SLIT2: variants seen among roughly 807,000 people sequenced by gnomAD.
The protein encoded by SLIT2 is slit guidance ligand 2, also known as slit homolog 2 protein.
In SLIT2, 41 loss-of-function variants were observed where a neutral mutation model predicts 185.7. The observed-to-expected ratio is 0.22, with a 90% CI of 0.17 to 0.29. SLIT2 has a LOEUF of 0.29. SLIT2 is among the 10% of genes least tolerant of loss of function. The probability of loss-of-function intolerance (pLI) is 1.00; values close to 1 mark genes in which losing one functional copy is unlikely to be tolerated. For missense variants in SLIT2, 1,571 were observed against 1,909.0 expected, an observed-to-expected ratio of 0.82 and a Z score of 3.30; for synonymous variants, 693 against 680.2, an observed-to-expected ratio of 1.02 and a Z score of -0.29.
At chr4:20,563,318 C>G (rs1345970216) in intron 26 of SLIT2, among the ~76,000 whole-genome samples, 1 of 151,742 alleles carries the variant, frequency 6.6e-6, no homozygotes. Context: ...CTTTCCCCTC[C>G]GTGGCACACA....
intron 4 of SLIT2, among the ~76,000 whole-genome samples, chr4:20,321,059 G>A (rs61792587): frequency 0.084 from 12,766 of 152,176 alleles, 654 homozygotes; most frequent in Middle Eastern, 0.17. Flanking sequence ...AAAGGGAGGC[G>A]GAGGTTGTAG....
At chr4:20,539,209 C>T (rs1722582301) in intron 18 of SLIT2, among the ~76,000 whole-genome samples, 1 of 152,178 alleles carries the variant, frequency 6.6e-6, no homozygotes, top group African/African-American at 2.4e-5. Context: ...TAAATCCATG[C>T]CTAGACTCAC....
chr4:20,444,774 A>G (rs943361790), intron 4 of SLIT2, among the ~76,000 whole-genome samples: 9 of 152,140 alleles, frequency 5.9e-5, no homozygotes, highest in African/African-American at 1.7e-4. Context: ...CAGTTTCACA[A>G]TTCTCCACCT....
At position 20,444,908 on chromosome 4, in the gene SLIT2, T is replaced by G. The variant is rs75403611; in HGVS notation, c.396-22844T>G. On this transcript the variant is annotated intron_variant, in intron 4 of 36. Coordinates refer to ENST00000504154, the MANE Select transcript of SLIT2 (RefSeq NM_004787.4). ...GCCCAATGCCTTTTTCTCTGTTACA[T>G]ACTTTGCGACTTAATTGCATTCTGT... Among the ~76,000 whole-genome samples the G allele has an allele frequency of 1.7e-4, 26 of 152,346 alleles. No homozygotes were observed. In the East Asian group the frequency reaches 5.0e-3, roughly 29 times the overall value.
chr4:20,269,431 C>T (rs991108977), intron 4 of SLIT2, among the ~76,000 whole-genome samples: 1 of 151,780 alleles, frequency 6.6e-6, no homozygotes, highest in Non-Finnish European at 1.5e-5. Context: ...ATATCAAATA[C>T]GTCATAGACT....
At chr4:20,338,367 G>C (rs1180615908) in intron 4 of SLIT2, among the ~76,000 whole-genome samples, 1 of 152,144 alleles carries the variant, frequency 6.6e-6, no homozygotes, top group Non-Finnish European at 1.5e-5. Context: ...CATAATATTA[G>C]ATTGAATTAA....
At chr4:20,294,799 G>A (rs1410453415) in intron 4 of SLIT2, among the ~76,000 whole-genome samples, 2 of 152,148 alleles carry the variant, frequency 1.3e-5, no homozygotes, top group Non-Finnish European at 2.9e-5. Context: ...TCATAAAACA[G>A]GCCATCTTTT....
intron 4 of SLIT2, among the ~76,000 whole-genome samples, chr4:20,396,147 A>G (rs1725871671): frequency 1.3e-5 from 2 of 151,886 alleles, no homozygotes; most frequent in Admixed American, 1.3e-4. Flanking sequence ...CTACCTTTAT[A>G]TCTCTGATTT....
chr4:20,319,791 G>T (rs1718893928), intron 4 of SLIT2, among the ~76,000 whole-genome samples: 1 of 143,034 alleles, frequency 7.0e-6, no homozygotes, highest in Non-Finnish European at 1.5e-5. Flanking sequence ...CTGGCTTTGG[G>T]CCAGCACTAA....
At chr4:20,378,548 A>G (rs780211802) in intron 4 of SLIT2, among the ~76,000 whole-genome samples, 15 of 152,200 alleles carry the variant, frequency 9.9e-5, no homozygotes, top group Admixed American at 2.0e-4. Context: ...TGTATCATCT[A>G]TATAGTTATC....
intron 5 of SLIT2, among the ~76,000 whole-genome samples, chr4:20,477,558 AAC>A (rs1401674372): frequency 6.6e-6 from 1 of 152,196 alleles, no homozygotes; most frequent in Admixed American, 6.5e-5. Context: ...AGTTCTTCAA[AAC>A]ACAAATTTAC....
intron 3 of SLIT2, among the ~76,000 whole-genome samples, chr4:20,264,852 A>G (rs1370799484): frequency 6.6e-6 from 1 of 151,938 alleles, no homozygotes; most frequent in Non-Finnish European, 1.5e-5. Context: ...ATTGCCATCT[A>G]GAGAATTATC....
At chr4:20,518,732 G>T (rs1159856036) in intron 11 of SLIT2, among the ~76,000 whole-genome samples, 1 of 137,012 alleles carries the variant, frequency 7.3e-6, no homozygotes, top group East Asian at 2.2e-4. Flanking sequence ...AGCCTCCCGC[G>T]CAGCTGGGAC....
chr4:20,520,616 AC>A (rs1182705286), intron 12 of SLIT2, among the ~76,000 whole-genome samples: 1 of 152,204 alleles, frequency 6.6e-6, no homozygotes, highest in Non-Finnish European at 1.5e-5. Context: ...TTATAAACTT[AC>A]GTTCTTAAGT....
intron 29 of SLIT2, among the ~76,000 whole-genome samples, chr4:20,588,159 A>G (rs2148946019): frequency 6.6e-6 from 1 of 152,356 alleles, no homozygotes; most frequent in East Asian, 1.9e-4. Context: ...TTCATCATGC[A>G]TATGTTGCTA....
At chr4:20,554,011 A>C (rs915894928) in intron 26 of SLIT2, 43 bp downstream of exon 26, 10 of 1,449,520 alleles carry the variant, frequency 6.9e-6, no homozygotes, top group Non-Finnish European at 9.3e-6. Flanking sequence ...GAATTACTAT[A>C]TTAAGTAAAA....
chr4:20,540,064 GATCA>G (rs5856567), intron 19 of SLIT2, among the ~76,000 whole-genome samples: 133,254 of 151,764 alleles, frequency 0.88, 58,794 homozygotes, highest in African/African-American at 0.96. Context: ...CGGATTACTT[GATCA>G]AGGTCAGGCG....
At chr4:20,446,709 TTAAC>T (rs985548148) in intron 4 of SLIT2, among the ~76,000 whole-genome samples, 1 of 152,198 alleles carries the variant, frequency 6.6e-6, no homozygotes, top group African/African-American at 2.4e-5. Flanking sequence ...GTTCAAATAA[TTAAC>T]TAAGTTTTAG....
chr4:20,329,621 A>G (rs1719897750), intron 4 of SLIT2, among the ~76,000 whole-genome samples: 1 of 152,012 alleles, frequency 6.6e-6, no homozygotes. Flanking sequence ...TATACCAGTT[A>G]AGCATATATT....
Sources: gnomAD v4.1 joint callset for allele counts (sites outside exome capture counted in the v4.1 genomes callset) on GRCh38, gnomAD v4.1.1 for gene constraint, MANE v1.5 for transcripts, NCBI Gene and HGNC (gene_info 2026-07-23, HGNC 2026-07-21) for gene names.